Variants in SEC13 observed in about 807,000 individuals in gnomAD.
The protein encoded by SEC13 is protein SEC13 homolog.
In SEC13, 25 loss-of-function variants were observed where a neutral mutation model predicts 49.2. The ratio of observed to expected loss-of-function variants is 0.51; its 90% confidence interval spans 0.37 to 0.71. SEC13 has a LOEUF of 0.71. Among genes scored for constraint, SEC13 ranks in the 30% least tolerant of loss-of-function variants. The pLI, the probability that SEC13 is intolerant of heterozygous loss-of-function variation, is 0.00. For synonymous variants in SEC13, 148 were observed against 163.9 expected (o/e 0.90, Z 0.74); for missense variants, 383 against 417.6 (o/e 0.92, Z 0.72).
intron 5 of SEC13, among the ~76,000 whole-genome samples, chr3:10,306,275 GTC>G (rs1369128294): frequency 6.6e-6 from 1 of 152,070 alleles, no homozygotes; most frequent in African/African-American, 2.4e-5. Context: ...AGAGAGCCTA[GTC>G]TCTCGGTCTG....
In SEC13 at chr3:10,312,637, C is replaced by A. The variant is rs746203143; in HGVS notation, c.258G>T (p.Trp86Cys). The A allele has an allele frequency of 6.2e-7, 1 of 1,614,188 alleles. No homozygotes were observed. Among genetic ancestry groups the A allele is most frequent in the Non-Finnish European group, 8.5e-7 (1 of 1,180,030 alleles). ...SCSYDRKVII[W>C]REENGTWEKS... ...TCTCCCAGGTGCCGTTTTCCTCTCT[C>A]CAGATAATGACTTTCCGGTCATAGG... is the stretch of plus-strand genomic sequence containing the variant. The change falls in exon 4 of 9, where the codon TGG becomes TGT. Residue 86 changes from tryptophan (W) to cysteine (C), a missense_variant. By Grantham distance (215) the Trp-to-Cys change is radical. Coordinates refer to ENST00000350697, the MANE Select transcript of SEC13 (RefSeq NM_183352.3).
intron 5 of SEC13, among the ~76,000 whole-genome samples, chr3:10,308,176 A>C (rs1468573924): frequency 1.3e-5 from 2 of 152,212 alleles, no homozygotes; most frequent in Admixed American, 1.3e-4. Context: ...CACCTCAATC[A>C]AGATAAGGAA....
intron 1 of SEC13, chr3:10,319,162 C>T (rs1368611959): frequency 1.2e-6 from 2 of 1,611,008 alleles, no homozygotes; most frequent in East Asian, 2.2e-5. Flanking sequence ...TCATCTTTTC[C>T]AGCACAAGCC....
At chr3:10,319,173 C>G in intron 1 of SEC13, 1 of 1,613,634 alleles carries the variant, frequency 6.2e-7, no homozygotes, top group South Asian at 1.1e-5. Flanking sequence ...AGCACAAGCC[C>G]TGTAGGTATA....
Position 10,311,169 on chromosome 3 carries a change from G to A in SEC13, c.450+796C>T, listed in dbSNP as rs138484687. Among the ~76,000 whole-genome samples the A allele has an allele frequency of 3.9e-5, 6 of 152,176 alleles. No homozygotes were observed. The East Asian group carries it at 7.7e-4, about 20-fold the overall frequency. Reference sequence around the variant, plus strand: ...ATGTGCATGTTCACTTCAATGGTACGTCTGCATTGTCCCAGTGTGAGTGTG... The same window carrying A: ...ATGTGCATGTTCACTTCAATGGTACATCTGCATTGTCCCAGTGTGAGTGTG... On this transcript the variant is annotated intron_variant, in intron 5 of 8. Transcript: ENST00000350697.
At chr3:10,302,077 T>TACTAAAAATACACACAAA (rs1207845662) in intron 8 of SEC13, among the ~76,000 whole-genome samples, 2 of 151,960 alleles carry the variant, frequency 1.3e-5, no homozygotes, top group Non-Finnish European at 2.9e-5. Flanking sequence ...ATCTCATCTC[T>TACTAAAAATACACACAAA]ACTAAAAATA....
intron 2 of SEC13, 115 bp from the exon 3 acceptor site, chr3:10,315,551 A>C (rs996215319): frequency 2.2e-5 from 14 of 647,774 alleles, no homozygotes; most frequent in Admixed American, 2.6e-5. Context: ...AATCAATCTG[A>C]TCTCAAAGTA....
chr3:10,319,933 G>C (rs1358291412), intron 1 of SEC13, among the ~76,000 whole-genome samples: 2 of 104,514 alleles, frequency 1.9e-5, no homozygotes, highest in Non-Finnish European at 3.9e-5. Flanking sequence ...GAGAAGAGAG[G>C]GAGGGGGAGA....
chr3:10,307,670 C>A (rs912325065), intron 5 of SEC13, among the ~76,000 whole-genome samples: 3 of 152,188 alleles, frequency 2.0e-5, no homozygotes, highest in Admixed American at 2.0e-4. Flanking sequence ...AAGACCTCCT[C>A]CCATGACTCA....
chr3:10,316,860 G>A (rs1316875484), intron 2 of SEC13, among the ~76,000 whole-genome samples: 2 of 152,168 alleles, frequency 1.3e-5, no homozygotes, highest in Non-Finnish European at 2.9e-5. Context: ...AATTAGCTGG[G>A]AGTGGTGGCG....
chr3:10,311,509 T>A (rs1359921805), intron 5 of SEC13: 1 of 325,464 alleles, frequency 3.1e-6, no homozygotes, highest in Non-Finnish European at 4.5e-6. Context: ...ATTCCTTGAT[T>A]GAACCACCAA....
At chr3:10,303,763 C>A (rs868555636) in intron 8 of SEC13, 9 of 514,478 alleles carry the variant, frequency 1.7e-5, no homozygotes, top group African/African-American at 1.2e-4. Context: ...CTGACTGGCT[C>A]TGCCACCTCA....
intron 2 of SEC13, among the ~76,000 whole-genome samples, chr3:10,316,109 C>T (rs1015001860): frequency 1.3e-5 from 2 of 152,186 alleles, no homozygotes; most frequent in African/African-American, 4.8e-5. Flanking sequence ...CACTTGTGAA[C>T]CGAATTCCTT....
At chr3:10,302,069 C>CTCA (rs748166153) in intron 8 of SEC13, among the ~76,000 whole-genome samples, 47 of 152,140 alleles carry the variant, frequency 3.1e-4, no homozygotes, top group Admixed American at 6.5e-4. Context: ...GAAACCCCAT[C>CTCA]TCATCTCTAC....
At chr3:10,318,008 C>T in intron 2 of SEC13, 42 bp downstream of exon 2, 1 of 1,407,484 alleles carries the variant, frequency 7.1e-7, no homozygotes, top group Non-Finnish European at 1.0e-6. Context: ...ACAAAAATGC[C>T]CATGTCCACA....
In SEC13 at chr3:10,300,943, T is replaced by C. The variant is rs959081889; in HGVS notation, c.*318A>G. 1.5e-5 allele frequency: 12 copies of C among 822,322 alleles called. No individual in the cohort carries two copies. The highest frequency in any genetic ancestry group is 2.4e-5 in the Admixed American group (1 of 42,356). 50.9% of individuals were successfully genotyped at this position (822,322 alleles called of 1,614,324 possible). On this transcript the variant is annotated 3_prime_UTR_variant, in exon 9 of 9. Transcript: ENST00000350697. The stretch of plus-strand genomic sequence containing the variant: ...AACGCAGCAGGAATTATAAGCAATA[T>C]GACTTTATTTAGTTCCTTTGGAAAC...
intron 1 of SEC13, among the ~76,000 whole-genome samples, chr3:10,319,722 C>T (rs2059731003): frequency 7.1e-6 from 1 of 141,280 alleles, no homozygotes; most frequent in Non-Finnish European, 1.5e-5. Flanking sequence ...TCTAACCACT[C>T]TCACCCACCA....
intron 8 of SEC13, 93 bp downstream of exon 8, chr3:10,303,933 T>G (rs766779194): frequency 7.8e-6 from 11 of 1,410,124 alleles, no homozygotes; most frequent in Non-Finnish European, 9.9e-6. Flanking sequence ...CTGCCCAGCC[T>G]GCAGTCAGAT....
At chr3:10,302,880 A>AT (rs1337797008) in intron 8 of SEC13, among the ~76,000 whole-genome samples, 1 of 152,256 alleles carries the variant, frequency 6.6e-6, no homozygotes, top group South Asian at 2.1e-4. Flanking sequence ...ATTCTGACAC[A>AT]TGCTACGTAC....
Sources: allele counts gnomAD v4.1 joint callset (sites outside exome capture counted in the v4.1 genomes callset), GRCh38; gene constraint gnomAD v4.1.1; transcripts MANE v1.5; gene names NCBI Gene and HGNC (gene_info 2026-07-23, HGNC 2026-07-21).